Variants in CDC42EP4 observed in about 807,000 individuals in gnomAD.
CDC42EP4 encodes CDC42 effector protein (Rho GTPase binding) 4.
In CDC42EP4, 6 loss-of-function variants were observed where a neutral mutation model predicts 5.6. The observed-to-expected ratio is 1.07, with a 90% CI of 0.59 to 2.12. The LOEUF (loss-of-function observed/expected upper bound fraction) is 2.12. CDC42EP4 is among the 30% of genes most tolerant of loss of function. The pLI is 0.00. For missense variants in CDC42EP4, 490 were observed against 508.6 expected, an observed-to-expected ratio of 0.96 and a Z score of 0.35; for synonymous variants, 230 against 224.2, an observed-to-expected ratio of 1.03 and a Z score of -0.23.
intron 1 of CDC42EP4, among the ~76,000 whole-genome samples, chr17:73,302,856 C>A (rs7224008): frequency 0.28 from 41,115 of 149,210 alleles, 5,614 homozygotes; most frequent in Admixed American, 0.33. Flanking sequence ...TCCTGGCCAA[C>A]ATGGTGAAAC....
chr17:73,293,094 C>T (rs1035422775), intron 1 of CDC42EP4, among the ~76,000 whole-genome samples: 2 of 152,170 alleles, frequency 1.3e-5, no homozygotes, highest in African/African-American at 4.8e-5. Context: ...GCAATCCACC[C>T]GCCTTGGCCT....
chr17:73,290,630 C>G (rs746583616), intron 1 of CDC42EP4, among the ~76,000 whole-genome samples: 1 of 152,172 alleles, frequency 6.6e-6, no homozygotes, highest in Non-Finnish European at 1.5e-5. Flanking sequence ...AGTTGAGAAA[C>G]AGCAGCCTTG....
Position 73,283,753 on chromosome 17 carries a change from T to C in CDC42EP4, c.*1677A>G, listed in dbSNP as rs1292876452. Reference sequence around the variant, plus strand: ...GGCGGGGGCTGCATAGCCCCTGAGGTTCCTCCCCCACCATGGGACCTAAGC... The same window carrying C: ...GGCGGGGGCTGCATAGCCCCTGAGGCTCCTCCCCCACCATGGGACCTAAGC... On this transcript the variant is annotated 3_prime_UTR_variant, in exon 2 of 2. Transcript: ENST00000335793. 6.6e-6 allele frequency: 1 copy of C among 152,110 alleles called. No homozygotes were observed. The highest frequency in any genetic ancestry group is 1.5e-5 in the Non-Finnish European group (1 of 68,058). The allele number at this position is 152,110 out of a possible 1,614,324, so 9.4% of individuals were successfully genotyped here.
intron 1 of CDC42EP4, among the ~76,000 whole-genome samples, chr17:73,297,178 C>A (rs1419291897): frequency 6.6e-6 from 1 of 151,228 alleles, no homozygotes; most frequent in Non-Finnish European, 1.5e-5. Context: ...CCTGTAATCC[C>A]AGCTACTTGG....
chr17:73,289,723 GAGGA>G (rs1297865867), intron 1 of CDC42EP4, among the ~76,000 whole-genome samples: 2 of 132,914 alleles, frequency 1.5e-5, no homozygotes, highest in African/African-American at 5.5e-5. Flanking sequence ...AACAGGAAGG[GAGGA>G]AGGGAGGGAG....
intron 1 of CDC42EP4, among the ~76,000 whole-genome samples, chr17:73,305,070 G>T (rs963765594): frequency 1.3e-5 from 2 of 152,196 alleles, no homozygotes; most frequent in Non-Finnish European, 2.9e-5. Flanking sequence ...CTGGGAATTA[G>T]AACAGCACAG....
intron 1 of CDC42EP4, among the ~76,000 whole-genome samples, chr17:73,297,227 G>C (rs1485984812): frequency 2.0e-5 from 3 of 150,902 alleles, no homozygotes; most frequent in African/African-American, 7.3e-5. Context: ...CCGGGAGGCG[G>C]AGGTTGCTGT....
chr17:73,308,253 T>C (rs890388139), intron 1 of CDC42EP4, among the ~76,000 whole-genome samples: 1 of 152,156 alleles, frequency 6.6e-6, no homozygotes, highest in African/African-American at 2.4e-5. Flanking sequence ...AGCTCCAGAA[T>C]TTGGTTCTTT....
At chr17:73,298,880 G>A (rs891026130) in intron 1 of CDC42EP4, among the ~76,000 whole-genome samples, 1 of 152,068 alleles carries the variant, frequency 6.6e-6, no homozygotes, top group African/African-American at 2.4e-5. Flanking sequence ...CAAGGAGGCT[G>A]CCCTGATTGC....
At chr17:73,301,112 T>C (rs1360350298) in intron 1 of CDC42EP4, among the ~76,000 whole-genome samples, 4 of 147,964 alleles carry the variant, frequency 2.7e-5, no homozygotes, top group African/African-American at 1.0e-4. Flanking sequence ...AAGTGGAAAA[T>C]ACACACTGGA....
At chr17:73,300,594 G>C (rs1037911417) in intron 1 of CDC42EP4, among the ~76,000 whole-genome samples, 18 of 152,120 alleles carry the variant, frequency 1.2e-4, no homozygotes, top group African/African-American at 4.3e-4. Context: ...CTGGGAGGGT[G>C]GGAACCCAGT....
chr17:73,285,476 T>A lies in CDC42EP4; in HGVS notation c.1025A>T (p.Glu342Val). 2 of 1,585,450 alleles carry A rather than the reference T, an allele frequency of 1.3e-6. No individual in the cohort carries two copies. The highest frequency in any genetic ancestry group is 1.7e-6 in the Non-Finnish European group (2 of 1,161,564). The change falls in exon 2 of 2, where the codon GAG (glutamate) becomes GTG (valine). Residue 342 changes from glutamate to valine, a missense_variant. By Grantham distance (121) the Glu-to-Val change is moderately radical. Transcript: ENST00000335793. The surrounding 1 kb of genome is among the most constrained non-coding windows in gnomAD (Gnocchi z 6.8). Reference protein sequence around the residue: ...RAAVSRQPDKEFSFMDEEEED... With the variant: ...RAAVSRQPDKVFSFMDEEEED... Reference sequence around the variant, plus strand: ...CTCCTCCTCATCCATGAAGGAGAACTCCTTGTCTGGCTGTCTTGAGACAGC... The same window carrying A: ...CTCCTCCTCATCCATGAAGGAGAACACCTTGTCTGGCTGTCTTGAGACAGC...
rs762803222 is a variant in CDC42EP4 at position 73,286,189 on chromosome 17, G to C, written c.312C>G (p.Gly104=). Residue 104 remains glycine (G), a synonymous_variant, in exon 2 of 2, where the codon GGC becomes GGG. Coordinates refer to ENST00000335793, the MANE Select transcript of CDC42EP4 (RefSeq NM_012121.5). The surrounding 1 kb of genome is among the most constrained non-coding windows in gnomAD (Gnocchi z 7.7). ...CAAACAGGGCCGAGTCCCGCAGGGA[G>C]CCCAGCATGTCACGCTGCTCCCGCT... ...RGEREQRDML[G]SLRDSALFVK... is the part of the protein sequence containing the mutation. 4 of 1,614,144 alleles carry C rather than the reference G, an allele frequency of 2.5e-6. No homozygotes were observed. The highest frequency in any genetic ancestry group is 1.7e-5 in the Admixed American group (1 of 60,022).
chr17:73,305,932 G>A (rs1345649518), intron 1 of CDC42EP4, among the ~76,000 whole-genome samples: 1 of 152,188 alleles, frequency 6.6e-6, no homozygotes, highest in Admixed American at 6.5e-5. Flanking sequence ...CCAAGCTGCT[G>A]AAGCCCAGGT....
chr17:73,303,961 G>A (rs996626738), intron 1 of CDC42EP4, among the ~76,000 whole-genome samples: 1 of 152,174 alleles, frequency 6.6e-6, no homozygotes, highest in Non-Finnish European at 1.5e-5. Context: ...TTAATTGCTG[G>A]AAGATATAGC....
chr17:73,298,004 A>G (rs1599436658), intron 1 of CDC42EP4, among the ~76,000 whole-genome samples: 3 of 143,250 alleles, frequency 2.1e-5, no homozygotes, highest in South Asian at 4.3e-4. Context: ...GCGAAAAAAA[A>G]AAAAAAACCC....
chr17:73,285,476 T>C lies in CDC42EP4; in HGVS notation c.1025A>G (p.Glu342Gly). 6.3e-7 allele frequency: 1 copy of C among 1,585,450 alleles called. No homozygotes were observed. Among genetic ancestry groups the C allele is most frequent in the Non-Finnish European group, 8.6e-7 (1 of 1,161,564 alleles). ...CTCCTCCTCATCCATGAAGGAGAAC[T>C]CCTTGTCTGGCTGTCTTGAGACAGC... ...RAAVSRQPDK[E>G]FSFMDEEEED... The change falls in exon 2 of 2, where the codon GAG becomes GGG. Residue 342 changes from glutamate to glycine, a missense_variant. By Grantham distance (98) the Glu-to-Gly change is moderately conservative. Coordinates refer to ENST00000335793, the MANE Select transcript of CDC42EP4 (RefSeq NM_012121.5). This position sits in a 1 kb window ranked among gnomAD's most constrained non-coding sequence, Gnocchi z 6.8.
intron 1 of CDC42EP4, among the ~76,000 whole-genome samples, chr17:73,291,776 C>A (rs1361890955): frequency 2.6e-5 from 4 of 152,150 alleles, no homozygotes; most frequent in Non-Finnish European, 5.9e-5. Context: ...CTCCCTAGCT[C>A]TCCTGAGCCT....
At chr17:73,294,759 C>G (rs1173214537) in intron 1 of CDC42EP4, among the ~76,000 whole-genome samples, 1 of 152,174 alleles carries the variant, frequency 6.6e-6, no homozygotes, top group Non-Finnish European at 1.5e-5. Flanking sequence ...CACACACACA[C>G]GCATGTGCAC....
Sources: allele counts gnomAD v4.1 joint callset (sites outside exome capture counted in the v4.1 genomes callset), GRCh38; gene constraint gnomAD v4.1.1; non-coding constraint Gnocchi (gnomAD v3.1); transcripts MANE v1.5; gene names NCBI Gene and HGNC (gene_info 2026-07-23, HGNC 2026-07-21).